The following ARSJ variants were observed in gnomAD, a reference collection of about 807,000 sequenced individuals.
The protein encoded by ARSJ is arylsulfatase J.
In ARSJ, 26 loss-of-function variants were observed where a neutral mutation model predicts 35.9. The ratio of observed to expected loss-of-function variants is 0.72; its 90% CI spans 0.53 to 1.00. ARSJ has a LOEUF of 1.00. Among genes scored for constraint, ARSJ ranks in the 50% least tolerant of loss-of-function variants. The probability of loss-of-function intolerance (pLI) is 0.00; values close to 1 mark genes in which losing one functional copy is unlikely to be tolerated. For missense variants in ARSJ, 667 were observed against 723.6 expected, an observed-to-expected ratio of 0.92 and a Z score of 0.90; for synonymous variants, 294 against 267.6, an observed-to-expected ratio of 1.10 and a Z score of -0.96.
chr4:113,971,335 A>T (rs1727234182), intron 1 of ARSJ, among the ~76,000 whole-genome samples: 1 of 152,218 alleles, frequency 6.6e-6, no homozygotes, highest in Admixed American at 6.5e-5. Flanking sequence ...GACACAAGAC[A>T]TCGTCAGCCT....
intron 1 of ARSJ, among the ~76,000 whole-genome samples, chr4:113,960,775 A>G (rs1726495689): frequency 6.6e-6 from 1 of 151,988 alleles, no homozygotes; most frequent in African/African-American, 2.4e-5. Flanking sequence ...AATTCCCTCA[A>G]AGTAGATTGA....
At position 113,902,540 on chromosome 4, in the gene ARSJ, A is replaced by G; in HGVS notation, c.1534T>C (p.Tyr512His). The G allele has an allele frequency of 6.2e-7, 1 of 1,614,032 alleles. No individual in the cohort carries two copies. Among genetic ancestry groups the G allele is most frequent in the South Asian group, 1.1e-5 (1 of 91,064 alleles). The change falls in exon 2 of 2, where the codon TAT becomes CAT. Residue 512 changes from tyrosine (Y) to histidine (H), a missense_variant. By Grantham distance (83) the Tyr-to-His change is moderately conservative (BLOSUM62 2). Coordinates refer to ENST00000315366, the MANE Select transcript of ARSJ (RefSeq NM_024590.4). ...AGGAGCTTCTTCACGATTCCTGGAT[A>G]CCTGTTAGATAGGTCCACCCTCTCA... ...PYERVDLSNR[Y>H]PGIVKKLLRR...
At chr4:113,952,742 C>T (rs1392897511) in intron 1 of ARSJ, among the ~76,000 whole-genome samples, 1 of 152,038 alleles carries the variant, frequency 6.6e-6, no homozygotes, top group Non-Finnish European at 1.5e-5. Flanking sequence ...AGAGGCTACT[C>T]TCAGGTTTAC....
In ARSJ at chr4:113,902,177, G is replaced by A. The variant is rs187853058; in HGVS notation, c.*97C>T. The A allele has an allele frequency of 1.8e-4, 281 of 1,599,004 alleles. 1 individual carries two copies. The highest frequency in any genetic ancestry group is 9.9e-4 in the Middle Eastern group (6 of 6,060). On this transcript the variant is annotated 3_prime_UTR_variant, in exon 2 of 2. Transcript: ENST00000315366. The stretch of plus-strand genomic sequence containing the variant: ...GCATGAAAACAAGCCTGACGCTTAG[G>A]CCAGCGATATTATCGAGCCAAATTT...
intron 1 of ARSJ, among the ~76,000 whole-genome samples, chr4:113,920,444 C>T (rs933861962): frequency 3.3e-5 from 5 of 152,110 alleles, no homozygotes; most frequent in African/African-American, 7.2e-5. Flanking sequence ...CCTAAAGAAA[C>T]ATACCAGTCA....
At position 113,900,341 on chromosome 4, in the gene ARSJ, C is replaced by T. The variant is rs913224371; in HGVS notation, c.*1933G>A. On this transcript the variant is annotated 3_prime_UTR_variant, in exon 2 of 2. Transcript: ENST00000315366. ...CATTTAAAAGATACTGTCGACAAAA[C>T]ACAAACTTTAGGAAATACAACTTTA... The T allele has an allele frequency of 1.3e-5, 2 of 152,036 alleles. No individual in the cohort carries two copies. The highest frequency in any genetic ancestry group is 6.6e-5 in the Admixed American group (1 of 15,266). 9.4% of individuals were successfully genotyped at this position (152,036 alleles called of 1,614,324 possible). A position where few individuals can be genotyped will look rare whatever the true frequency, so the allele number is the denominator to read the frequency against.
At chr4:113,975,795 AT>A (rs1422845789) in intron 1 of ARSJ, among the ~76,000 whole-genome samples, 1 of 152,148 alleles carries the variant, frequency 6.6e-6, no homozygotes, top group African/African-American at 2.4e-5. Context: ...GTCTTAATTT[AT>A]TTTTGATGAT....
chr4:113,933,140 C>G (rs1399880594), intron 1 of ARSJ, among the ~76,000 whole-genome samples: 1 of 151,826 alleles, frequency 6.6e-6, no homozygotes, highest in Non-Finnish European at 1.5e-5. Flanking sequence ...ATGCGTACAG[C>G]CTGCCAAAAT....
intron 1 of ARSJ, among the ~76,000 whole-genome samples, chr4:113,935,043 A>G (rs1221444410): frequency 6.6e-6 from 1 of 151,860 alleles, no homozygotes; most frequent in Non-Finnish European, 1.5e-5. Flanking sequence ...TATGATTCTC[A>G]AACTTTCCCT....
chr4:113,952,335 T>C (rs1725912874), intron 1 of ARSJ, among the ~76,000 whole-genome samples: 1 of 152,114 alleles, frequency 6.6e-6, no homozygotes, highest in African/African-American at 2.4e-5. Flanking sequence ...GCCAACTTGA[T>C]TTTTTAAAAT....
intron 1 of ARSJ, among the ~76,000 whole-genome samples, chr4:113,936,390 A>C (rs945993265): frequency 1.3e-4 from 19 of 151,946 alleles, no homozygotes; most frequent in Non-Finnish European, 1.5e-5. Context: ...ATGAAAAATT[A>C]TAGATTTTGT....
At chr4:113,927,901 G>A (rs1724177044) in intron 1 of ARSJ, among the ~76,000 whole-genome samples, 1 of 152,148 alleles carries the variant, frequency 6.6e-6, no homozygotes, top group African/African-American at 2.4e-5. Flanking sequence ...TCTAGGTAGA[G>A]GCAGCTCTAA....
chr4:113,942,865 A>T (rs1725242506), intron 1 of ARSJ, among the ~76,000 whole-genome samples: 1 of 152,080 alleles, frequency 6.6e-6, no homozygotes, highest in African/African-American at 2.4e-5. Flanking sequence ...GGTGCAGCTA[A>T]TAGACATATG....
chr4:113,947,248 A>AG (rs1201909174), intron 1 of ARSJ, among the ~76,000 whole-genome samples: 1 of 152,086 alleles, frequency 6.6e-6, no homozygotes, highest in Non-Finnish European at 1.5e-5. Context: ...TGGGAAGCCA[A>AG]GGGAGGAGGA....
chr4:113,969,015 A>T (rs1381990689), intron 1 of ARSJ, among the ~76,000 whole-genome samples: 3 of 152,220 alleles, frequency 2.0e-5, no homozygotes, highest in Admixed American at 2.0e-4. Context: ...GCTGGATAAG[A>T]TATATTAATA....
chr4:113,973,772 T>C (rs1727424450), intron 1 of ARSJ, among the ~76,000 whole-genome samples: 2 of 152,208 alleles, frequency 1.3e-5, no homozygotes, highest in Admixed American at 1.3e-4. Flanking sequence ...TCCAAGCTAT[T>C]TGCATCTGTA....
rs1475657149 is a variant in ARSJ, at chr4:113,978,869, A to G, written c.-35T>C. 6.4e-7 allele frequency: 1 copy of G among 1,552,306 alleles called. No individual in the cohort carries two copies. Among genetic ancestry groups the G allele is most frequent in the Non-Finnish European group, 8.7e-7 (1 of 1,153,124 alleles). On this transcript the variant is annotated 5_prime_UTR_variant, in exon 1 of 2. Coordinates refer to ENST00000315366, the MANE Select transcript of ARSJ (RefSeq NM_024590.4). ...TCCCAGGTGAGACTCCACGCGGAGAACCACGCGCCCCGCGCCGCTGCGGGC... is the reference window on the plus strand; with the variant it reads ...TCCCAGGTGAGACTCCACGCGGAGAGCCACGCGCCCCGCGCCGCTGCGGGC...
intron 1 of ARSJ, among the ~76,000 whole-genome samples, chr4:113,954,408 T>C (rs998375382): frequency 5.9e-5 from 9 of 152,206 alleles, no homozygotes; most frequent in African/African-American, 2.2e-4. Context: ...TTATTTGTTA[T>C]GTTTTCATCT....
chr4:113,971,227 T>G (rs1727227725), intron 1 of ARSJ, among the ~76,000 whole-genome samples: 1 of 152,120 alleles, frequency 6.6e-6, no homozygotes, highest in Non-Finnish European at 1.5e-5. Context: ...AACCAAACTT[T>G]GAAATAAAAA....
Sources: allele counts gnomAD v4.1 joint callset (sites outside exome capture counted in the v4.1 genomes callset), GRCh38; gene constraint gnomAD v4.1.1; transcripts MANE v1.5; gene names NCBI Gene and HGNC (gene_info 2026-07-23, HGNC 2026-07-21).